Variants in EFCAB13 observed in about 807,000 individuals in gnomAD.
The protein encoded by EFCAB13 is EF-hand calcium-binding domain-containing protein 13.
Under a neutral mutation model 110.2 loss-of-function variants are expected in EFCAB13, and 91 were observed. The ratio of observed to expected loss-of-function variants is 0.83; its 90% CI spans 0.70 to 0.98. EFCAB13 has a LOEUF of 0.98. Ranked by LOEUF, EFCAB13 falls within the 50% of genes least tolerant of loss-of-function variation. The pLI, the probability that EFCAB13 is intolerant of heterozygous loss-of-function variation, is 0.00. For missense variants in EFCAB13, 968 were observed against 1,119.4 expected (o/e 0.86, Z 1.93); for synonymous variants, 323 against 369.9 (o/e 0.87, Z 1.45).
At chr17:47,420,138 C>T (rs1010398310) in intron 23 of EFCAB13, among the ~76,000 whole-genome samples, 11 of 152,214 alleles carry the variant, frequency 7.2e-5, no homozygotes, top group African/African-American at 1.2e-4. Flanking sequence ...TTGGTGGAGA[C>T]GGGGTTTCGC....
At chr17:47,326,653 A>G (rs1050737421) in intron 3 of EFCAB13, among the ~76,000 whole-genome samples, 1 of 152,204 alleles carries the variant, frequency 6.6e-6, no homozygotes, top group African/African-American at 2.4e-5. Flanking sequence ...TAGTGAAGAC[A>G]AGAATAGTGA....
chr17:47,397,696 C>T (rs1410028536), intron 17 of EFCAB13, among the ~76,000 whole-genome samples: 1 of 151,476 alleles, frequency 6.6e-6, no homozygotes, highest in African/African-American at 2.4e-5. Context: ...CGCCTCTACC[C>T]GGCCGCGACC....
chr17:47,401,168 A>G (rs1011577593), intron 17 of EFCAB13, among the ~76,000 whole-genome samples: 1 of 152,246 alleles, frequency 6.6e-6, no homozygotes, highest in Admixed American at 6.5e-5. Flanking sequence ...TCAAGTGTCA[A>G]TTTAAAGCTA....
intron 16 of EFCAB13, among the ~76,000 whole-genome samples, chr17:47,394,680 C>T (rs1023265019): frequency 3.2e-4 from 49 of 152,042 alleles, no homozygotes; most frequent in African/African-American, 1.1e-3. Context: ...AAAGTAACAT[C>T]GTATTATTTT....
intron 10 of EFCAB13, 86 bp downstream of exon 10, chr17:47,361,607 G>A (rs1194983940): frequency 1.7e-6 from 2 of 1,158,584 alleles, no homozygotes; most frequent in African/African-American, 1.6e-5. Context: ...TTTGTGATCT[G>A]TCCTTTGCTT....
In EFCAB13 at chr17:47,440,756, A is replaced by C. The variant is rs377743066; in HGVS notation, c.*42A>C. On this transcript the variant is annotated 3_prime_UTR_variant, in exon 25 of 25. Coordinates refer to ENST00000331493, the MANE Select transcript of EFCAB13 (RefSeq NM_152347.5). ...GTGCTAGAAAATTACTAGATTATAT[A>C]TTATTCAGTATGCATATTTGACTTC... 2 of 1,390,582 alleles carry C rather than the reference A, an allele frequency of 1.4e-6. No homozygotes were observed. Among genetic ancestry groups the C allele is most frequent in the Non-Finnish European group, 9.6e-7 (1 of 1,040,122 alleles). The allele number at this position is 1,390,582 out of a possible 1,614,324, so 86.1% of individuals were successfully genotyped here. A position where few individuals can be genotyped will look rare whatever the true frequency, so the allele number is the denominator to read the frequency against.
intron 13 of EFCAB13, among the ~76,000 whole-genome samples, chr17:47,378,845 T>C (rs1293174648): frequency 1.3e-5 from 2 of 152,214 alleles, no homozygotes; most frequent in African/African-American, 4.8e-5. Context: ...TCTCATGGTC[T>C]ATCTATATGG....
At chr17:47,413,996 T>G (rs1322350550) in intron 22 of EFCAB13, among the ~76,000 whole-genome samples, 1 of 152,178 alleles carries the variant, frequency 6.6e-6, no homozygotes, top group African/African-American at 2.4e-5. Context: ...GTGTTAGTAC[T>G]CAATGCTTAG....
intron 14 of EFCAB13, among the ~76,000 whole-genome samples, chr17:47,386,747 C>G (rs1765502824): frequency 6.6e-6 from 1 of 152,166 alleles, no homozygotes; most frequent in Non-Finnish European, 1.5e-5. Context: ...GCTTGAAACC[C>G]AGGGCCCTGG....
At chr17:47,409,795 G>C (rs113650565) in intron 21 of EFCAB13, 104 bp downstream of exon 21, 10 of 872,116 alleles carry the variant, frequency 1.1e-5, no homozygotes, top group African/African-American at 1.7e-5. Context: ...GCTGACTTCA[G>C]CCAGATTACT....
chr17:47,335,201 G>A lies in EFCAB13; in HGVS notation c.36G>A (p.Glu12=). ...GTGGCTCTTATATTCCCCAGGCAGA[G>A]GAAAATATTGACTTATTAGATGATG... is the stretch of plus-strand genomic sequence containing the variant. The part of the protein sequence containing the change: ...ETKVHLFCQA[E]ENIDLLDDGS... Residue 12 remains glutamate, a synonymous_variant, in exon 5 of 25, where the codon GAG becomes GAA. Coordinates refer to ENST00000331493, the MANE Select transcript of EFCAB13 (RefSeq NM_152347.5). 1 of 1,597,844 alleles carries A rather than the reference G, an allele frequency of 6.3e-7. No homozygotes were observed. The highest frequency in any genetic ancestry group is 8.5e-7 in the Non-Finnish European group (1 of 1,174,880).
intron 24 of EFCAB13, among the ~76,000 whole-genome samples, chr17:47,436,651 T>A (rs570131929): frequency 2.6e-5 from 4 of 152,226 alleles, no homozygotes; most frequent in Admixed American, 1.3e-4. Context: ...GTTATTTGGA[T>A]TTTCTCTCTT....
intron 24 of EFCAB13, among the ~76,000 whole-genome samples, chr17:47,438,656 G>T (rs938692313): frequency 1.3e-5 from 2 of 151,982 alleles, no homozygotes; most frequent in African/African-American, 4.8e-5. Flanking sequence ...ATTTTTGATG[G>T]TTTTTTCTTT....
intron 10 of EFCAB13, among the ~76,000 whole-genome samples, chr17:47,365,255 T>G (rs1263820349): frequency 3.3e-5 from 5 of 152,190 alleles, no homozygotes; most frequent in Non-Finnish European, 5.9e-5. Flanking sequence ...AAATATTTGT[T>G]GAATGAATGA....
intron 15 of EFCAB13, among the ~76,000 whole-genome samples, chr17:47,393,445 T>A (rs1055276598): frequency 6.6e-6 from 1 of 152,110 alleles, no homozygotes; most frequent in African/African-American, 2.4e-5. Context: ...AGCACTGATC[T>A]TAATGGCAAA....
intron 2 of EFCAB13, among the ~76,000 whole-genome samples, chr17:47,325,932 AT>A (rs2143201903): frequency 2.7e-5 from 1 of 37,640 alleles, no homozygotes; most frequent in African/African-American, 7.7e-5. Context: ...AAATATATAT[AT>A]ATATATATAT....
Position 47,370,425 on chromosome 17 carries a change from A to C in EFCAB13, c.806-12A>C. Reference sequence around the variant, plus strand: ...AAAAGTAAATACAGTATTTGAACTTATTCTATTACAGGTAACCACATGGTG... The same window carrying C: ...AAAAGTAAATACAGTATTTGAACTTCTTCTATTACAGGTAACCACATGGTG... On this transcript the variant is annotated splice_polypyrimidine_tract_variant and intron_variant, in intron 10 of 24. Transcript: ENST00000331493. 4 of 1,527,226 alleles carry C rather than the reference A, an allele frequency of 2.6e-6. 1 individual carries two copies. Among genetic ancestry groups the C allele is most frequent in the Non-Finnish European group, 3.6e-6 (4 of 1,102,588 alleles). 94.6% of individuals were successfully genotyped at this position (1,527,226 alleles called of 1,614,324 possible).
rs968343899 is a variant in EFCAB13, at chr17:47,431,360, T to A, written c.2638+1399T>A. On this transcript the variant is annotated intron_variant, in intron 24 of 24. Transcript: ENST00000331493. The surrounding 1 kb of genome is among the most constrained non-coding windows in gnomAD (Gnocchi z 4.1). ...GTGAATATATCCCAATTTCTAGTGA[T>A]GAATATTTAGCTCAATAATTTTAAG... Among the ~76,000 whole-genome samples, 1 of 151,960 alleles carries A rather than the reference T, an allele frequency of 6.6e-6. No homozygotes were observed. The highest frequency in any genetic ancestry group is 2.4e-5 in the African/African-American group (1 of 41,406).
chr17:47,362,915 T>C (rs866472728), intron 10 of EFCAB13, among the ~76,000 whole-genome samples: 1 of 152,112 alleles, frequency 6.6e-6, no homozygotes. Flanking sequence ...CAACCTGGCA[T>C]TCGGGGCCAC....
Sources: gnomAD v4.1 joint callset for allele counts (sites outside exome capture counted in the v4.1 genomes callset) on GRCh38, gnomAD v4.1.1 for gene constraint, Gnocchi (gnomAD v3.1) non-coding constraint, MANE v1.5 for transcripts, NCBI Gene and HGNC (gene_info 2026-07-23, HGNC 2026-07-21) for gene names.